The following UBE2E2 variants were observed in gnomAD, a reference collection of about 807,000 sequenced individuals.
UBE2E2 encodes ubiquitin-conjugating enzyme E2 E2.
UBE2E2 carries 6 observed loss-of-function variants against 24.7 expected under a neutral mutation model. That is an observed-to-expected ratio of 0.24 (90% CI 0.13 to 0.48). The LOEUF is 0.48. UBE2E2 is among the 20% of genes least tolerant of loss of function. The pLI is 0.99. For missense variants in UBE2E2, 169 were observed against 245.0 expected, an observed-to-expected ratio of 0.69 and a Z score of 2.07; for synonymous variants, 104 against 83.6, an observed-to-expected ratio of 1.24 and a Z score of -1.33.
chr3:23,394,298 G>T (rs1697023774), intron 3 of UBE2E2, among the ~76,000 whole-genome samples: 1 of 152,118 alleles, frequency 6.6e-6, no homozygotes, highest in Non-Finnish European at 1.5e-5. Context: ...ATACAGTGAT[G>T]TTTTATCAAC....
chr3:23,363,419 A>G (rs1443391037), intron 3 of UBE2E2, among the ~76,000 whole-genome samples: 1 of 152,216 alleles, frequency 6.6e-6, no homozygotes, highest in Non-Finnish European at 1.5e-5. Flanking sequence ...ACATGCAATG[A>G]CACTCATAGG....
intron 3 of UBE2E2, among the ~76,000 whole-genome samples, chr3:23,444,716 C>T (rs1395181552): frequency 6.6e-6 from 1 of 152,198 alleles, no homozygotes; most frequent in African/African-American, 2.4e-5. Flanking sequence ...ATAGGCTATT[C>T]TGCCTACCTA....
At chr3:23,248,167 T>G (rs185689052) in intron 3 of UBE2E2, among the ~76,000 whole-genome samples, 4 of 152,240 alleles carry the variant, frequency 2.6e-5, no homozygotes, top group African/African-American at 9.6e-5. Flanking sequence ...AGTGTCCTGA[T>G]GTACTTCAGC....
At chr3:23,429,955 A>G (rs1292106750) in intron 3 of UBE2E2, among the ~76,000 whole-genome samples, 1 of 152,156 alleles carries the variant, frequency 6.6e-6, no homozygotes, top group Admixed American at 6.5e-5. Context: ...ATCTTGGCTC[A>G]CTGCAGCCTC....
chr3:23,267,595 G>C (rs1414693277), intron 3 of UBE2E2, among the ~76,000 whole-genome samples: 7 of 151,924 alleles, frequency 4.6e-5, no homozygotes, highest in African/African-American at 1.5e-4. Flanking sequence ...TCCAGGACCA[G>C]ATGGATTCAC....
intron 4 of UBE2E2, among the ~76,000 whole-genome samples, chr3:23,500,867 A>G (rs983322741): frequency 6.6e-6 from 1 of 152,198 alleles, no homozygotes; most frequent in African/African-American, 2.4e-5. Context: ...TTGTGGTGTA[A>G]GGATTTGAAT....
At chr3:23,536,578 A>G (rs1351173597) in intron 5 of UBE2E2, among the ~76,000 whole-genome samples, 3 of 152,224 alleles carry the variant, frequency 2.0e-5, no homozygotes, top group Non-Finnish European at 4.4e-5. Context: ...ACAATGAAAC[A>G]TTTGATATTG....
intron 3 of UBE2E2, among the ~76,000 whole-genome samples, chr3:23,243,657 T>A (rs927823995): frequency 1.3e-5 from 2 of 152,186 alleles, no homozygotes; most frequent in African/African-American, 4.8e-5. Flanking sequence ...GTTTACAGCC[T>A]TTTTCTCAAG....
intron 3 of UBE2E2, among the ~76,000 whole-genome samples, chr3:23,436,323 C>T (rs1450997337): frequency 1.3e-5 from 2 of 152,176 alleles, no homozygotes; most frequent in East Asian, 3.8e-4. Context: ...CAGGTTCATT[C>T]TGCTGTTCCA....
intron 3 of UBE2E2, among the ~76,000 whole-genome samples, chr3:23,379,622 A>G (rs954796381): frequency 1.8e-4 from 27 of 151,470 alleles, no homozygotes; most frequent in Non-Finnish European, 7.4e-5. Context: ...TATGTGCCAC[A>G]TTTTCTTAAT....
At chr3:23,470,718 A>C (rs1264615354) in intron 3 of UBE2E2, among the ~76,000 whole-genome samples, 1 of 152,228 alleles carries the variant, frequency 6.6e-6, no homozygotes, top group African/African-American at 2.4e-5. Context: ...AAGTAAAGCC[A>C]GTAAAAACGG....
chr3:23,386,434 G>A (rs553006658), intron 3 of UBE2E2, among the ~76,000 whole-genome samples: 2 of 152,122 alleles, frequency 1.3e-5, no homozygotes, highest in African/African-American at 4.8e-5. Flanking sequence ...TGAATTTAGC[G>A]GGGACACGAA....
chr3:23,323,423 A>G (rs2125292074), intron 3 of UBE2E2: 1 of 283,848 alleles, frequency 3.5e-6, no homozygotes, highest in African/African-American at 2.3e-5. Context: ...GTCATTTGGC[A>G]TGACCCCAGG....
chr3:23,358,480 G>A (rs1340937697), intron 3 of UBE2E2, among the ~76,000 whole-genome samples: 1 of 152,062 alleles, frequency 6.6e-6, no homozygotes, highest in African/African-American at 2.4e-5. Context: ...TAAAGGAAGT[G>A]GTGGAAATTA....
chr3:23,588,389 T>G (rs1226472556), intron 5 of UBE2E2, among the ~76,000 whole-genome samples: 5 of 129,798 alleles, frequency 3.9e-5, no homozygotes, highest in Admixed American at 2.4e-4. Flanking sequence ...ATTGCTTTGC[T>G]TTTTGTTTTT....
chr3:23,443,125 GTCT>G (rs372761957), intron 3 of UBE2E2, among the ~76,000 whole-genome samples: 2 of 152,176 alleles, frequency 1.3e-5, no homozygotes, highest in African/African-American at 2.4e-5. Flanking sequence ...CAAGTGTTAG[GTCT>G]TCTTCTCTTT....
At chr3:23,279,750 T>C (rs1698446785) in intron 3 of UBE2E2, among the ~76,000 whole-genome samples, 1 of 152,212 alleles carries the variant, frequency 6.6e-6, no homozygotes, top group African/African-American at 2.4e-5. Flanking sequence ...TGTCATGTGG[T>C]CTACCAGAGT....
At chr3:23,401,583 C>A (rs549795074) in intron 3 of UBE2E2, among the ~76,000 whole-genome samples, 1 of 152,258 alleles carries the variant, frequency 6.6e-6, no homozygotes, top group South Asian at 2.1e-4. Context: ...CTATATCGTT[C>A]TAACTTTCTC....
intron 3 of UBE2E2, among the ~76,000 whole-genome samples, chr3:23,397,702 C>T (rs1314821248): frequency 2.0e-5 from 3 of 152,162 alleles, no homozygotes; most frequent in Admixed American, 6.5e-5. Flanking sequence ...TTGTAGGGAA[C>T]TGTAATTTGT....
Sources: gnomAD v4.1 joint callset for allele counts (sites outside exome capture counted in the v4.1 genomes callset) on GRCh38, gnomAD v4.1.1 for gene constraint, MANE v1.5 for transcripts, NCBI Gene and HGNC (gene_info 2026-07-23, HGNC 2026-07-21) for gene names.